C3orf85: variants seen among roughly 807,000 people sequenced by gnomAD.
C3orf85 encodes the protein uncharacterized protein C3orf85.
Under a neutral mutation model 1.7 loss-of-function variants are expected in C3orf85, and 1 was observed. The ratio of observed to expected loss-of-function variants is 0.60; its 90% CI spans 0.21 to 2.86. The LOEUF is 2.86. Ranked by LOEUF, C3orf85 falls within the 30% of genes most tolerant of loss-of-function variation. C3orf85 has a pLI of 0.22. For missense variants in C3orf85, 29 were observed against 21.3 expected (o/e 1.36, Z -0.72); for synonymous variants, 17 against 8.0 (o/e 2.13, Z -1.90).
In C3orf85 at chr3:109,140,047, T is replaced by C. The variant is rs185765987; in HGVS notation, c.49+3151T>C. On this transcript the variant is annotated intron_variant, in intron 2 of 3. Coordinates refer to ENST00000622536, the MANE Select transcript of C3orf85 (RefSeq NM_001351622.2). ...TCAGTCATCCCTGCAGCCCTCCAAT[T>C]CCTTAGAGATTCTGTATTCTCTGAC... 3.9e-5 allele frequency among the ~76,000 whole-genome samples: 6 copies of C among 152,294 alleles called. No individual in the cohort carries two copies. The East Asian group carries it at 1.2e-3, about 29-fold the overall frequency.
rs557729867 is a variant in C3orf85 at position 109,143,111 on chromosome 3, A to G, written c.50-5142A>G. Among the ~76,000 whole-genome samples the G allele has an allele frequency of 2.0e-5, 3 of 152,352 alleles. No individual in the cohort carries two copies. The South Asian group carries it at 6.2e-4, about 32-fold the overall frequency. On this transcript the variant is annotated intron_variant, in intron 2 of 3. Transcript: ENST00000622536. ...ATTAAGTGAAGCACTGCCCCTTCCC[A>G]GGAGCAGAGCACACATAGGGGTGAA...
chr3:109,143,488 GT>G (rs754321738), intron 2 of C3orf85, among the ~76,000 whole-genome samples: 2 of 151,988 alleles, frequency 1.3e-5, no homozygotes, highest in East Asian at 3.9e-4. Context: ...TATCTGTTTT[GT>G]TTTAATTATT....
In C3orf85 at chr3:109,136,847, C is replaced by T; in HGVS notation, c.-1C>T. The stretch of plus-strand genomic sequence containing the variant: ...TCTTTTTTTTTTCCCAAAATAGGAT[C>T]ATGGCCTATAAAATGCTTCAAGTAG... On this transcript the variant is annotated 5_prime_UTR_variant, in exon 2 of 4. Transcript: ENST00000622536. The T allele has an allele frequency of 2.4e-6, 1 of 419,652 alleles. No individual in the cohort carries two copies. Among genetic ancestry groups the T allele is most frequent in the Non-Finnish European group, 4.3e-6 (1 of 235,070 alleles). The allele number at this position is 419,652 out of a possible 1,614,324, so 26.0% of individuals were successfully genotyped here.
chr3:109,150,915 G>A lies in C3orf85; in HGVS notation c.*1021G>A, dbSNP rs886790850. Among the ~76,000 whole-genome samples the A allele has an allele frequency of 1.3e-5, 2 of 152,138 alleles. No homozygotes were observed. Among genetic ancestry groups the A allele is most frequent in the African/African-American group, 4.8e-5 (2 of 41,410 alleles). On this transcript the variant is annotated 3_prime_UTR_variant, in exon 4 of 4. Transcript: ENST00000622536. ...TAAAACAATCTTAAGCACTTTTTGA[G>A]TGGCAAGTAAATCAGAAAAACCAAA...
intron 2 of C3orf85, among the ~76,000 whole-genome samples, chr3:109,141,952 C>T (rs1245767022): frequency 1.3e-5 from 2 of 152,188 alleles, no homozygotes; most frequent in Non-Finnish European, 2.9e-5. Context: ...TCACTTCAAC[C>T]CCAGAGGCAG....
chr3:109,148,108 G>C lies in C3orf85; in HGVS notation c.50-145G>C, dbSNP rs993800301. The C allele has an allele frequency of 1.0e-5, 6 of 601,368 alleles. No individual in the cohort carries two copies. The East Asian group carries it at 1.4e-4, about 14-fold the overall frequency. 37.3% of individuals were successfully genotyped at this position (601,368 alleles called of 1,614,324 possible). A position where few individuals can be genotyped will look rare whatever the true frequency, so the allele number is the denominator to read the frequency against. On this transcript the variant is annotated intron_variant, in intron 2 of 3. Coordinates refer to ENST00000622536, the MANE Select transcript of C3orf85 (RefSeq NM_001351622.2). Reference sequence around the variant, plus strand: ...GGTGACAAAGGGCCAAGGAGTAGCTGTCTCACTCAGAGCTTAGCTTTTCCA... The same window carrying C: ...GGTGACAAAGGGCCAAGGAGTAGCTCTCTCACTCAGAGCTTAGCTTTTCCA...
At chr3:109,141,755 C>T (rs1576773387) in intron 2 of C3orf85, among the ~76,000 whole-genome samples, 2 of 152,162 alleles carry the variant, frequency 1.3e-5, no homozygotes, top group South Asian at 4.1e-4. Flanking sequence ...CTTAGTGGGG[C>T]GTGGTGGCTC....
At chr3:109,137,647 A>G (rs573088134) in intron 2 of C3orf85, among the ~76,000 whole-genome samples, 49 of 141,212 alleles carry the variant, frequency 3.5e-4, no homozygotes, top group Admixed American at 7.9e-4. Flanking sequence ...GTATATATAT[A>G]TATATATATA....
At chr3:109,149,404 A>AATAGGC (rs11281716) in intron 3 of C3orf85, 14,249 of 153,064 alleles carry the variant, frequency 0.093, 1,372 homozygotes, top group African/African-American at 0.25. Context: ...GTTTTTGTCC[A>AATAGGC]ATAGGCATTA....
In C3orf85 at chr3:109,151,306, G is replaced by C. The variant is rs182435430; in HGVS notation, c.*1412G>C. Among the ~76,000 whole-genome samples, 3 of 152,138 alleles carry C rather than the reference G, an allele frequency of 2.0e-5. No homozygotes were observed. The East Asian group carries it at 5.8e-4, about 29-fold the overall frequency. On this transcript the variant is annotated 3_prime_UTR_variant, in exon 4 of 4. Transcript: ENST00000622536. Reference sequence around the variant, plus strand: ...AAAAATTGAGAATGTCTGTGTATTAGGGTTCTCCAGAGAAACAGAACCAAT... The same window carrying C: ...AAAAATTGAGAATGTCTGTGTATTACGGTTCTCCAGAGAAACAGAACCAAT...
At chr3:109,143,226 T>A (rs13066805) in intron 2 of C3orf85, among the ~76,000 whole-genome samples, 2,297 of 152,334 alleles carry the variant, frequency 0.015, 24 homozygotes, top group Middle Eastern at 0.088. Context: ...TTCTGTATCT[T>A]ATTTTACCTT....
intron 2 of C3orf85, among the ~76,000 whole-genome samples, chr3:109,138,997 G>A (rs1407616788): frequency 6.6e-6 from 1 of 152,176 alleles, no homozygotes; most frequent in Non-Finnish European, 1.5e-5. Context: ...CCTTTTATGT[G>A]TCAGGGACTT....
chr3:109,144,706 A>T (rs1706778022), intron 2 of C3orf85, among the ~76,000 whole-genome samples: 2 of 152,224 alleles, frequency 1.3e-5, no homozygotes, highest in South Asian at 4.1e-4. Flanking sequence ...ACTATGGTAC[A>T]GAATTCTGGT....
At chr3:109,143,624 C>T (rs532158136) in intron 2 of C3orf85, among the ~76,000 whole-genome samples, 7 of 152,270 alleles carry the variant, frequency 4.6e-5, no homozygotes, top group African/African-American at 2.4e-5. Context: ...CTTCCGATAA[C>T]ACGATACCAT....
At chr3:109,137,610 G>C (rs1047341578) in intron 2 of C3orf85, among the ~76,000 whole-genome samples, 1 of 106,488 alleles carries the variant, frequency 9.4e-6, no homozygotes, top group Admixed American at 1.1e-4. Flanking sequence ...CAGCTAGATA[G>C]ATGTATATAT....
intron 2 of C3orf85, among the ~76,000 whole-genome samples, chr3:109,137,668 T>TAA (rs57369511): frequency 1.4e-5 from 2 of 142,044 alleles, no homozygotes; most frequent in South Asian, 2.2e-4. Flanking sequence ...TATATATATA[T>TAA]AAAATAAGCC....
intron 2 of C3orf85, among the ~76,000 whole-genome samples, chr3:109,147,915 G>A (rs6779312): frequency 0.039 from 5,985 of 152,218 alleles, 425 homozygotes; most frequent in African/African-American, 0.14. Context: ...ACTAAAGTGC[G>A]AAGAAATCAA....
chr3:109,144,629 C>T (rs1176824866), intron 2 of C3orf85, among the ~76,000 whole-genome samples: 1 of 152,134 alleles, frequency 6.6e-6, no homozygotes, highest in Non-Finnish European at 1.5e-5. Context: ...TATTTTAAAG[C>T]ATGCTTCTCT....
chr3:109,147,244 G>A (rs1201278943), intron 2 of C3orf85, among the ~76,000 whole-genome samples: 1 of 152,044 alleles, frequency 6.6e-6, no homozygotes, highest in Non-Finnish European at 1.5e-5. Context: ...CAAATCTTGT[G>A]TTGCCTCGTT....
Sources: allele counts gnomAD v4.1 joint callset (sites outside exome capture counted in the v4.1 genomes callset), GRCh38; gene constraint gnomAD v4.1.1; transcripts MANE v1.5; gene names NCBI Gene and HGNC (gene_info 2026-07-23, HGNC 2026-07-21).